The following CA10 variants were observed in gnomAD, a reference collection of about 807,000 sequenced individuals.
CA10 encodes the protein carbonic anhydrase 10 (inactive), also known as carbonic anhydrase-related protein 10.
Under a neutral mutation model 44.2 loss-of-function variants are expected in CA10, and 14 were observed. The ratio of observed to expected loss-of-function variants is 0.32; its 90% CI spans 0.21 to 0.50. The LOEUF (loss-of-function observed/expected upper bound fraction) is 0.50, where lower values mean the gene tolerates loss of function less well. CA10 is among the 20% of genes least tolerant of loss of function. The pLI is 0.99. For missense variants in CA10, 350 were observed against 409.7 expected (o/e 0.85, Z 1.26); for synonymous variants, 159 against 141.6 (o/e 1.12, Z -0.87).
At chr17:52,030,813 T>C (rs1483000853) in intron 2 of CA10, among the ~76,000 whole-genome samples, 2 of 152,138 alleles carry the variant, frequency 1.3e-5, no homozygotes, top group Admixed American at 6.5e-5. Context: ...TCCCAGCCTT[T>C]GGGCTCCAGA....
At chr17:51,772,444 G>A (rs1739010013) in intron 3 of CA10, among the ~76,000 whole-genome samples, 1 of 152,106 alleles carries the variant, frequency 6.6e-6, no homozygotes, top group African/African-American at 2.4e-5. Context: ...TCCTAAACTT[G>A]GCTGTTTTTG....
At chr17:51,719,084 TG>T (rs934531323) in intron 4 of CA10, among the ~76,000 whole-genome samples, 1 of 152,150 alleles carries the variant, frequency 6.6e-6, no homozygotes, top group African/African-American at 2.4e-5. Flanking sequence ...CATCAGCATG[TG>T]TGCAAAACTA....
intron 3 of CA10, among the ~76,000 whole-genome samples, chr17:51,751,056 A>C (rs1297418193): frequency 6.6e-6 from 1 of 152,204 alleles, no homozygotes; most frequent in African/African-American, 2.4e-5. Flanking sequence ...TTGAAGCTTC[A>C]GTTTTCTTAA....
intron 2 of CA10, among the ~76,000 whole-genome samples, chr17:51,945,220 G>A (rs926480727): frequency 5.3e-5 from 8 of 152,124 alleles, no homozygotes; most frequent in African/African-American, 1.9e-4. Context: ...AATTGCAGAG[G>A]AAGAAACAAA....
chr17:51,820,190 C>A (rs1357402368), intron 3 of CA10, among the ~76,000 whole-genome samples: 1 of 128,770 alleles, frequency 7.8e-6, no homozygotes, highest in East Asian at 2.5e-4. Context: ...GCGCCGCCCC[C>A]CCCCCCCCAG....
At chr17:52,038,397 A>C (rs896522800) in intron 2 of CA10, among the ~76,000 whole-genome samples, 9 of 152,208 alleles carry the variant, frequency 5.9e-5, no homozygotes, top group African/African-American at 2.2e-4. Flanking sequence ...ATTTTTGCCC[A>C]AATAGAGCAG....
At chr17:52,133,973 C>G (rs1989296830) in intron 1 of CA10, among the ~76,000 whole-genome samples, 1 of 152,160 alleles carries the variant, frequency 6.6e-6, no homozygotes, top group Admixed American at 6.5e-5. Context: ...ATAAAGGTGT[C>G]TTAGCATATC....
chr17:52,084,986 A>T (rs1319286815), intron 1 of CA10, among the ~76,000 whole-genome samples: 1 of 152,218 alleles, frequency 6.6e-6, no homozygotes, highest in African/African-American at 2.4e-5. Context: ...TCAAATAGCC[A>T]TCCTGAACCA....
intron 3 of CA10, among the ~76,000 whole-genome samples, chr17:51,890,995 A>G (rs986976625): frequency 6.6e-6 from 1 of 152,220 alleles, no homozygotes; most frequent in African/African-American, 2.4e-5. Context: ...AAGTAGGTCA[A>G]CAATAGTTCA....
At chr17:52,122,327 A>G (rs1386505237) in intron 1 of CA10, among the ~76,000 whole-genome samples, 1 of 152,252 alleles carries the variant, frequency 6.6e-6, no homozygotes, top group Non-Finnish European at 1.5e-5. Flanking sequence ...ATTTTAAATA[A>G]TAAAATTCAG....
intron 4 of CA10, among the ~76,000 whole-genome samples, chr17:51,667,184 C>T (rs1169489534): frequency 6.6e-6 from 1 of 152,138 alleles, no homozygotes; most frequent in Non-Finnish European, 1.5e-5. Flanking sequence ...CACAGGAATG[C>T]ACCACATTGA....
At chr17:51,654,494 T>C (rs913049336) in intron 4 of CA10, among the ~76,000 whole-genome samples, 4 of 152,168 alleles carry the variant, frequency 2.6e-5, no homozygotes, top group Non-Finnish European at 5.9e-5. Flanking sequence ...TGATCTTTCC[T>C]TAAAATTCAT....
chr17:51,926,394 A>G (rs1982430362), intron 3 of CA10, among the ~76,000 whole-genome samples: 1 of 152,244 alleles, frequency 6.6e-6, no homozygotes, highest in Non-Finnish European at 1.5e-5. Flanking sequence ...ATTTGTGGTT[A>G]GTAAACCAGT....
At chr17:51,875,834 A>T (rs952185764) in intron 3 of CA10, among the ~76,000 whole-genome samples, 1 of 151,936 alleles carries the variant, frequency 6.6e-6, no homozygotes, top group Non-Finnish European at 1.5e-5. Flanking sequence ...ACCCTCTGAC[A>T]CTTCTTACTC....
chr17:51,935,761 G>A (rs1157628638), intron 2 of CA10, among the ~76,000 whole-genome samples: 5 of 152,136 alleles, frequency 3.3e-5, no homozygotes, highest in Non-Finnish European at 7.4e-5. Context: ...AAACTTATCA[G>A]CTGCTTGTTC....
At chr17:52,148,212 A>G (rs1989629845) in intron 1 of CA10, among the ~76,000 whole-genome samples, 1 of 152,124 alleles carries the variant, frequency 6.6e-6, no homozygotes, top group African/African-American at 2.4e-5. Flanking sequence ...CTAGTTCAAC[A>G]CACTAACAAG....
At chr17:51,942,131 C>T (rs1567893932) in intron 2 of CA10, among the ~76,000 whole-genome samples, 3 of 152,136 alleles carry the variant, frequency 2.0e-5, no homozygotes, top group Non-Finnish European at 4.4e-5. Context: ...ATTGTCTTCA[C>T]ATTTGTGTAA....
At chr17:52,127,738 C>A (rs1031139261) in intron 1 of CA10, among the ~76,000 whole-genome samples, 3 of 152,144 alleles carry the variant, frequency 2.0e-5, no homozygotes, top group African/African-American at 7.2e-5. Context: ...GAGTGAACTC[C>A]TTTTTAATGC....
intron 5 of CA10, among the ~76,000 whole-genome samples, chr17:51,650,408 C>T (rs1250541142): frequency 6.6e-6 from 1 of 152,124 alleles, no homozygotes; most frequent in East Asian, 1.9e-4. Flanking sequence ...ATTAGATAAG[C>T]AACAGGTAAT....
Sources: allele counts gnomAD v4.1 joint callset (sites outside exome capture counted in the v4.1 genomes callset), GRCh38; gene constraint gnomAD v4.1.1; transcripts MANE v1.5; gene names NCBI Gene and HGNC (gene_info 2026-07-23, HGNC 2026-07-21).